The following OPHN1 variants were observed in gnomAD, a reference collection of about 807,000 sequenced individuals.
OPHN1 encodes oligophrenin 1.
In OPHN1, 11 loss-of-function variants were observed where a neutral mutation model predicts 60.7. That is an observed-to-expected ratio of 0.18 (90% CI 0.11 to 0.30). The LOEUF is 0.30. OPHN1 is among the 10% of genes least tolerant of loss of function. OPHN1 has a pLI of 1.00. For synonymous variants in OPHN1, 226 were observed against 222.6 expected (o/e 1.02, Z -0.14); for missense variants, 449 against 611.0 (o/e 0.73, Z 2.80).
At chrX:68,223,600 A>C (rs1473273798) in intron 6 of OPHN1, among the ~76,000 whole-genome samples, 1 of 111,297 alleles carries the variant, frequency 9.0e-6, no homozygotes, top group Admixed American at 9.7e-5. Context: ...TATAATGTAC[A>C]CTATTCGGGT....
chrX:68,331,817 C>T (rs1164307920), intron 2 of OPHN1, among the ~76,000 whole-genome samples: 4 of 109,045 alleles, frequency 3.7e-5, no homozygotes, highest in East Asian at 2.9e-4. Flanking sequence ...AGGTGGATCA[C>T]GAGGTCAAGA....
intron 5 of OPHN1, among the ~76,000 whole-genome samples, chrX:68,242,457 G>C (rs2147534500): frequency 9.0e-6 from 1 of 111,663 alleles, no homozygotes; most frequent in Admixed American, 9.6e-5. Flanking sequence ...TGGAACTCTT[G>C]TGAACTGCTG....
chrX:68,052,625 C>T, intron 22 of OPHN1, 35 bp from the exon 23 acceptor site: 1 of 1,169,971 alleles, frequency 8.5e-7, no homozygotes, highest in South Asian at 1.8e-5. Flanking sequence ...CCATAAGTTG[C>T]TTTGGTATAC....
intron 15 of OPHN1, among the ~76,000 whole-genome samples, chrX:68,164,042 C>T (rs766656185): frequency 4.5e-4 from 50 of 111,687 alleles, no homozygotes; most frequent in Admixed American, 1.0e-3. Flanking sequence ...TATAAAATGT[C>T]ATCTAATCCT....
intron 6 of OPHN1, among the ~76,000 whole-genome samples, chrX:68,223,049 G>A (rs747533485): frequency 1.8e-5 from 2 of 111,902 alleles, no homozygotes; most frequent in South Asian, 7.5e-4. Flanking sequence ...AACAAAAGAT[G>A]CAGATGTGGT....
At chrX:68,201,531 C>A (rs985606841) in intron 11 of OPHN1, 88 bp downstream of exon 11, 1 of 715,048 alleles carries the variant, frequency 1.4e-6, no homozygotes, top group African/African-American at 2.1e-5. Context: ...TTGTCATCAA[C>A]GTGGGATGAC....
At chrX:68,125,956 T>TATATATATAC (rs2077169399) in intron 15 of OPHN1, among the ~76,000 whole-genome samples, 2 of 76,357 alleles carry the variant, frequency 2.6e-5, no homozygotes, top group African/African-American at 1.0e-4. Context: ...TATATATATA[T>TATATATATAC]ACATACACAC....
chrX:68,361,438 C>A (rs2078472202), intron 2 of OPHN1, among the ~76,000 whole-genome samples: 1 of 106,671 alleles, frequency 9.4e-6, no homozygotes, highest in Non-Finnish European at 1.9e-5. Context: ...TGAGATTGTA[C>A]CACTGCACTC....
At chrX:68,071,324 G>A (rs2076933476) in intron 20 of OPHN1, 4 of 755,547 alleles carry the variant, frequency 5.3e-6, no homozygotes, top group Non-Finnish European at 6.2e-6. Context: ...AGTGAAGCTC[G>A]GAAAGCTTCT....
intron 2 of OPHN1, among the ~76,000 whole-genome samples, chrX:68,399,815 CT>C (rs1180929782): frequency 7.7e-5 from 7 of 90,753 alleles, no homozygotes; most frequent in South Asian, 6.9e-4. Flanking sequence ...GTTTTAGTTT[CT>C]TTTTTTTTCT....
intron 2 of OPHN1, among the ~76,000 whole-genome samples, chrX:68,317,534 AGAAAAAAAGAAAGAAAGAAAG>A (rs767908451): frequency 5.2e-5 from 4 of 76,429 alleles, no homozygotes; most frequent in Admixed American, 1.5e-4. Flanking sequence ...AAAGAAAGAA[AGAAAAAAAGAAAGAAAGAAAG>A]AAAGAAAGAA....
chrX:68,205,776 CAAAT>C (rs2077555667), intron 10 of OPHN1, among the ~76,000 whole-genome samples: 1 of 111,955 alleles, frequency 8.9e-6, no homozygotes, highest in South Asian at 3.7e-4. Flanking sequence ...TCAGTGCTAA[CAAAT>C]AACCCTTGAA....
chrX:68,198,300 G>A (rs1361233919), intron 11 of OPHN1, among the ~76,000 whole-genome samples: 2 of 111,136 alleles, frequency 1.8e-5, no homozygotes, highest in South Asian at 3.9e-4. Context: ...ATGAGGACAC[G>A]GTGTTGGTGC....
intron 19 of OPHN1, among the ~76,000 whole-genome samples, chrX:68,080,796 C>G (rs887994910): frequency 1.3e-4 from 15 of 111,643 alleles, no homozygotes; most frequent in Admixed American, 4.7e-4. Context: ...ATATTTAAGC[C>G]AAATAATTTG....
intron 6 of OPHN1, among the ~76,000 whole-genome samples, chrX:68,229,955 C>G (rs2077719026): frequency 4.5e-5 from 5 of 111,926 alleles, no homozygotes; most frequent in Admixed American, 3.8e-4. Context: ...GCAAAAGAAA[C>G]TACTGTCAGA....
intron 2 of OPHN1, among the ~76,000 whole-genome samples, chrX:68,397,496 G>A (rs1354833815): frequency 2.4e-5 from 2 of 82,696 alleles, no homozygotes; most frequent in Non-Finnish European, 2.3e-5. Context: ...ATGTTAGGTT[G>A]ACACTTTTTT....
At chrX:68,062,027 A>C (rs2076895046) in intron 21 of OPHN1, among the ~76,000 whole-genome samples, 1 of 112,245 alleles carries the variant, frequency 8.9e-6, no homozygotes, top group Non-Finnish European at 1.9e-5. Context: ...TTAGGAACTT[A>C]GTTATATAAC....
At chrX:68,072,547 C>A (rs1490077645) in intron 20 of OPHN1, among the ~76,000 whole-genome samples, 1 of 111,443 alleles carries the variant, frequency 9.0e-6, no homozygotes, top group East Asian at 2.8e-4. Flanking sequence ...AGATGCTACT[C>A]ACAAACTGAG....
At chrX:68,167,471 A>C (rs1309763926) in intron 15 of OPHN1, among the ~76,000 whole-genome samples, 2 of 110,899 alleles carry the variant, frequency 1.8e-5, no homozygotes, top group Non-Finnish European at 3.8e-5. Flanking sequence ...TTGAGTTACC[A>C]TATAATCCAG....
Sources: gnomAD v4.1 joint callset for allele counts (sites outside exome capture counted in the v4.1 genomes callset) on GRCh38, gnomAD v4.1.1 for gene constraint, MANE v1.5 for transcripts, NCBI Gene and HGNC (gene_info 2026-07-23, HGNC 2026-07-21) for gene names.